UBN1: variants seen among roughly 807,000 people sequenced by gnomAD.
UBN1 encodes ubinuclein 1, also known as ubinuclein-1.
Under a neutral mutation model 108.5 loss-of-function variants are expected in UBN1, and 17 were observed. The observed-to-expected ratio is 0.16, with a 90% confidence interval of 0.11 to 0.24. The LOEUF is 0.24. UBN1 is among the 10% of genes least tolerant of loss of function. The pLI, the probability that UBN1 is intolerant of heterozygous loss-of-function variation, is 1.00. For missense variants in UBN1, 1,595 were observed against 1,394.4 expected, an observed-to-expected ratio of 1.14 and a Z score of -2.29; for synonymous variants, 726 against 564.2, an observed-to-expected ratio of 1.29 and a Z score of -4.07.
chr16:4,860,007 A>G, intron 6 of UBN1, 39 bp downstream of exon 6: 1 of 1,612,430 alleles, frequency 6.2e-7, no homozygotes, highest in Non-Finnish European at 8.5e-7. Flanking sequence ...TAAAGCCTGA[A>G]CTGTTAGGGC....
chr16:4,848,411 C>G (rs951153968), intron 1 of UBN1: 1 of 152,268 alleles, frequency 6.6e-6, no homozygotes, highest in African/African-American at 2.4e-5. Context: ...CACAATTTTG[C>G]AAAAGATCCC....
chr16:4,853,582 G>GTCC (rs2086658183), intron 2 of UBN1, among the ~76,000 whole-genome samples: 1 of 146,006 alleles, frequency 6.8e-6, no homozygotes, highest in African/African-American at 2.5e-5. Context: ...TTTCGAGACC[G>GTCC]AGTCTCGCCC....
chr16:4,852,424 G>T (rs1392305437), intron 1 of UBN1: 1 of 157,070 alleles, frequency 6.4e-6, no homozygotes, highest in East Asian at 1.9e-4. Context: ...TCCTGGGGTA[G>T]GCAATATCTT....
intron 11 of UBN1, 91 bp from the exon 12 acceptor site, chr16:4,871,064 A>G (rs2087608114): frequency 1.6e-5 from 25 of 1,601,928 alleles, no homozygotes; most frequent in Non-Finnish European, 2.0e-5. Flanking sequence ...AGGCTCATTT[A>G]CTTTCATCAG....
At position 4,848,035 on chromosome 16, in the gene UBN1, G is replaced by GCGGCA. The variant is rs1359707588; in HGVS notation, c.-213_-209dup. On this transcript the variant is annotated 5_prime_UTR_variant, in exon 1 of 18. Coordinates refer to ENST00000262376, the MANE Select transcript of UBN1 (RefSeq NM_001079514.3). ...GCTTCCTCCTGGGCCGGCGCGCGGCGCGGCACACCAGGCTCCCCTGGGCTC... is the reference window on the plus strand; with the variant it reads ...GCTTCCTCCTGGGCCGGCGCGCGGCGCGGCACGGCACACCAGGCTCCCCTGGGCTC... 1 of 152,324 alleles carries GCGGCA rather than the reference G, an allele frequency of 6.6e-6. No homozygotes were observed. Among genetic ancestry groups the GCGGCA allele is most frequent in the Non-Finnish European group, 1.5e-5 (1 of 68,220 alleles). The allele number at this position is 152,324 out of a possible 1,614,324, so 9.4% of individuals were successfully genotyped here.
Position 4,880,076 on chromosome 16 carries a change from T to C in UBN1, c.3356-7T>C, listed in dbSNP as rs939934401. The stretch of plus-strand genomic sequence containing the variant: ...CTTGCGTTCTAATTTTTCTTACTCT[T>C]TTCCAGGTGCTTCTCAGCTTCACGG... On this transcript the variant is annotated splice_region_variant and splice_polypyrimidine_tract_variant and intron_variant, in intron 17 of 17. Coordinates refer to ENST00000262376, the MANE Select transcript of UBN1 (RefSeq NM_001079514.3). 2.5e-6 allele frequency: 4 copies of C among 1,613,946 alleles called. No homozygotes were observed. Among genetic ancestry groups the C allele is most frequent in the African/African-American group, 1.3e-5 (1 of 74,866 alleles).
At chr16:4,852,823 A>T in intron 1 of UBN1, 56 bp from the exon 2 acceptor site, 1 of 1,432,272 alleles carries the variant, frequency 7.0e-7, no homozygotes, top group Non-Finnish European at 9.4e-7. Flanking sequence ...TTAATTAGGC[A>T]GGTAAACTAT....
intron 5 of UBN1, among the ~76,000 whole-genome samples, chr16:4,859,425 C>G (rs769837085): frequency 6.6e-6 from 1 of 152,178 alleles, no homozygotes; most frequent in Non-Finnish European, 1.5e-5. Flanking sequence ...TGGAGGTGGC[C>G]TCAGGGTGGG....
At position 4,859,178 on chromosome 16, in the gene UBN1, T is replaced by C. The variant is rs755456871; in HGVS notation, c.567+19T>C. On this transcript the variant is annotated intron_variant, in intron 5 of 17. Coordinates refer to ENST00000262376, the MANE Select transcript of UBN1 (RefSeq NM_001079514.3). ...TCCAAAGGTTAGAATGTGCTTGCTT[T>C]TGGATTTCAGAAATGCTTTTTGACG... 3 of 1,607,672 alleles carry C rather than the reference T, an allele frequency of 1.9e-6. No individual in the cohort carries two copies. The highest frequency in any genetic ancestry group is 2.5e-6 in the Non-Finnish European group (3 of 1,178,868).
At chr16:4,867,113 G>T (rs1418971848) in intron 7 of UBN1, among the ~76,000 whole-genome samples, 1 of 152,232 alleles carries the variant, frequency 6.6e-6, no homozygotes, top group Non-Finnish European at 1.5e-5. Context: ...CCATGTGAAG[G>T]AGTTTGGGTT....
At chr16:4,858,104 C>T (rs767521904) in intron 3 of UBN1, 28 bp downstream of exon 3, 2 of 1,484,970 alleles carry the variant, frequency 1.3e-6, no homozygotes, top group Non-Finnish European at 1.9e-6. Context: ...AATAACAAAA[C>T]AACCTCATTG....
At chr16:4,864,457 G>A (rs1271666516) in intron 7 of UBN1, among the ~76,000 whole-genome samples, 2 of 152,162 alleles carry the variant, frequency 1.3e-5, no homozygotes, top group East Asian at 1.9e-4. Flanking sequence ...CCTCTGCCAC[G>A]TTCACTACAT....
intron 6 of UBN1, 134 bp downstream of exon 6, chr16:4,860,102 C>A: frequency 9.5e-7 from 1 of 1,056,960 alleles, no homozygotes; most frequent in Non-Finnish European, 1.4e-6. Flanking sequence ...CCGCACGCCT[C>A]CCGCAGTGCC....
intron 7 of UBN1, among the ~76,000 whole-genome samples, chr16:4,867,277 C>T (rs1026864757): frequency 6.6e-6 from 1 of 152,192 alleles, no homozygotes; most frequent in African/African-American, 2.4e-5. Flanking sequence ...GAGGGTCATC[C>T]ATCCACAGAA....
At chr16:4,879,129 T>C (rs1198408845) in intron 17 of UBN1, among the ~76,000 whole-genome samples, 1 of 152,220 alleles carries the variant, frequency 6.6e-6, no homozygotes, top group Non-Finnish European at 1.5e-5. Context: ...AACAGTAGTA[T>C]GTAGTTTCAG....
chr16:4,863,499 A>G (rs1000114284), intron 7 of UBN1, among the ~76,000 whole-genome samples: 6 of 152,254 alleles, frequency 3.9e-5, no homozygotes, highest in African/African-American at 1.4e-4. Context: ...TAAGGGGTCC[A>G]TCCTAGATCT....
chr16:4,869,401 G>A (rs1401212177), intron 8 of UBN1, among the ~76,000 whole-genome samples: 2 of 152,202 alleles, frequency 1.3e-5, no homozygotes, highest in Non-Finnish European at 1.5e-5. Flanking sequence ...GAGACACCAC[G>A]CTGTGTGAAT....
At chr16:4,856,847 T>C (rs998963701) in intron 2 of UBN1, among the ~76,000 whole-genome samples, 2 of 152,204 alleles carry the variant, frequency 1.3e-5, no homozygotes, top group Admixed American at 6.5e-5. Flanking sequence ...GTATGATCGT[T>C]AGATGTATGC....
intron 2 of UBN1, among the ~76,000 whole-genome samples, chr16:4,855,046 G>A (rs1443623042): frequency 6.6e-6 from 1 of 152,160 alleles, no homozygotes; most frequent in Non-Finnish European, 1.5e-5. Flanking sequence ...TTAAGCACCT[G>A]TGTCTGCCTT....
Sources: gnomAD v4.1 joint callset for allele counts (sites outside exome capture counted in the v4.1 genomes callset) on GRCh38, gnomAD v4.1.1 for gene constraint, MANE v1.5 for transcripts, NCBI Gene and HGNC (gene_info 2026-07-23, HGNC 2026-07-21) for gene names.